The following HSBP1L1 variants were observed in gnomAD, a reference collection of about 807,000 sequenced individuals.
HSBP1L1 encodes the protein heat shock factor binding protein 1 like 1.
HSBP1L1 carries 8 observed loss-of-function variants against 9.7 expected under a neutral mutation model. The observed-to-expected ratio is 0.82, with a 90% CI of 0.48 to 1.48. The LOEUF (loss-of-function observed/expected upper bound fraction) is 1.48, where lower values mean the gene tolerates loss of function less well. HSBP1L1 is among the 40% of genes most tolerant of loss of function. The pLI, the probability that HSBP1L1 is intolerant of heterozygous loss-of-function variation, is 0.00. For synonymous variants in HSBP1L1, 39 were observed against 34.4 expected (o/e 1.13, Z -0.46); for missense variants, 106 against 95.8 (o/e 1.11, Z -0.44).
intron 3 of HSBP1L1, among the ~76,000 whole-genome samples, chr18:79,969,299 A>AGGGAGG (rs2051276348): frequency 1.4e-5 from 1 of 69,602 alleles, no homozygotes; most frequent in Non-Finnish European, 3.1e-5. Context: ...AGGGAGGGAG[A>AGGGAGG]GAGAGAGAGA....
chr18:79,966,658 C>G lies in HSBP1L1; in HGVS notation c.98C>G (p.Thr33Arg), dbSNP rs774356748. The G allele has an allele frequency of 1.3e-4, 206 of 1,549,210 alleles. No individual in the cohort carries two copies. The highest frequency in any genetic ancestry group is 1.7e-4 in the Non-Finnish European group (200 of 1,145,178). ...QELQEHFQAL[T>R]ATLNLRMEEM... ...CTTCAGGAACATTTTCAAGCTCTGACGGCAACATTAAACCTCAGAAATATC... is the reference window on the plus strand; with the variant it reads ...CTTCAGGAACATTTTCAAGCTCTGAGGGCAACATTAAACCTCAGAAATATC... Residue 33 changes from threonine to arginine, a missense_variant, in exon 2 of 4, where the codon ACG (threonine) becomes AGG (arginine). By Grantham distance (71) the Thr-to-Arg change is moderately conservative. Coordinates refer to ENST00000451882, the MANE Select transcript of HSBP1L1 (RefSeq NM_001136180.2).
chr18:79,970,512 C>A lies in HSBP1L1; in HGVS notation c.*61C>A. ...CAGAAGTCATTAAGGTTACATCGGT[C>A]CTGAGGGTGGGGCCCTCATCCAACA... On this transcript the variant is annotated 3_prime_UTR_variant, in exon 4 of 4. Coordinates refer to ENST00000451882, the MANE Select transcript of HSBP1L1 (RefSeq NM_001136180.2). The A allele has an allele frequency of 2.8e-6, 2 of 717,962 alleles. No homozygotes were observed. The highest frequency in any genetic ancestry group is 3.0e-5 in the South Asian group (2 of 67,562). The allele number at this position is 717,962 out of a possible 1,614,324, so 44.5% of individuals were successfully genotyped here. A position where few individuals can be genotyped will look rare whatever the true frequency, so the allele number is the denominator to read the frequency against.
rs1335922816 is a variant in HSBP1L1 at position 79,969,343 on chromosome 18, G to GA, written c.214-1094dup. 8.2e-3 allele frequency among the ~76,000 whole-genome samples: 219 copies of GA among 26,804 alleles called. 5 individuals carry two copies. Among genetic ancestry groups the GA allele is most frequent in the Non-Finnish European group, 0.017 (179 of 10,504 alleles). The allele number at this position is 26,804 out of a possible 152,430, so 17.6% of individuals were successfully genotyped here. ...AAAGAAAGAAAGAAAAAGAAAGAAA[G>GA]AAAGAAAGAAAGAAAGAAAGAAAGA... On this transcript the variant is annotated intron_variant, in intron 3 of 3. Coordinates refer to ENST00000451882, the MANE Select transcript of HSBP1L1 (RefSeq NM_001136180.2).
chr18:79,970,657 G>GC lies in HSBP1L1; in HGVS notation c.*207dup. ...CCCTCCCCAGAAATCACACGGACCA[G>GC]CACCTTGATCTGGGACTTCCAGAAA... On this transcript the variant is annotated 3_prime_UTR_variant, in exon 4 of 4. Transcript: ENST00000451882. 1 of 551,784 alleles carries GC rather than the reference G, an allele frequency of 1.8e-6. No homozygotes were observed. The highest frequency in any genetic ancestry group is 3.3e-6 in the Non-Finnish European group (1 of 304,398). 34.2% of individuals were successfully genotyped at this position (551,784 alleles called of 1,614,324 possible).
In HSBP1L1 at chr18:79,970,435, A is replaced by T. The variant is rs925405698; in HGVS notation, c.214-5A>T. 2.8e-6 allele frequency: 2 copies of T among 718,496 alleles called. No individual in the cohort carries two copies. The highest frequency in any genetic ancestry group is 3.5e-5 in the African/African-American group (2 of 57,282). The allele number at this position is 718,496 out of a possible 1,614,324, so 44.5% of individuals were successfully genotyped here. ...CGGCCTGAACGTTTATGTCTCCCTA[A>T]ATAGCTGAAGACCTAACTGCAGCAT... On this transcript the variant is annotated splice_polypyrimidine_tract_variant and splice_region_variant and intron_variant, in intron 3 of 3. Transcript: ENST00000451882.
At position 79,970,355 on chromosome 18, in the gene HSBP1L1, T is replaced by G. The variant is rs2145039182; in HGVS notation, c.214-85T>G. The G allele has an allele frequency of 7.0e-6, 5 of 716,598 alleles. No individual in the cohort carries two copies. In the South Asian group the frequency reaches 7.4e-5, roughly 11 times the overall value. The allele number at this position is 716,598 out of a possible 1,614,324, so 44.4% of individuals were successfully genotyped here. A position where few individuals can be genotyped will look rare whatever the true frequency, so the allele number is the denominator to read the frequency against. On this transcript the variant is annotated intron_variant, in intron 3 of 3. Coordinates refer to ENST00000451882, the MANE Select transcript of HSBP1L1 (RefSeq NM_001136180.2). ...CTGTACTGCAGCCACAAAGCACCAGTGAGAACGTTATTAAAATCAGGGGTG... is the reference window on the plus strand; with the variant it reads ...CTGTACTGCAGCCACAAAGCACCAGGGAGAACGTTATTAAAATCAGGGGTG...
chr18:79,966,788 C>T lies in HSBP1L1; in HGVS notation c.118+110C>T, dbSNP rs1599699392. On this transcript the variant is annotated intron_variant, in intron 2 of 3. Coordinates refer to ENST00000451882, the MANE Select transcript of HSBP1L1 (RefSeq NM_001136180.2). Reference sequence around the variant, plus strand: ...GTAGGTAATAGTTTACTTAGGATTTCCCAGTATTTACTTCTGTGCTTTTAT... The same window carrying T: ...GTAGGTAATAGTTTACTTAGGATTTTCCAGTATTTACTTCTGTGCTTTTAT... 1.2e-5 allele frequency: 10 copies of T among 813,932 alleles called. No individual in the cohort carries two copies. The South Asian group carries it at 1.6e-4, about 13-fold the overall frequency. The allele number at this position is 813,932 out of a possible 1,614,324, so 50.4% of individuals were successfully genotyped here.
intron 3 of HSBP1L1, among the ~76,000 whole-genome samples, chr18:79,968,887 G>C (rs1314828606): frequency 6.6e-6 from 1 of 151,374 alleles, no homozygotes; most frequent in Non-Finnish European, 1.5e-5. Context: ...AAAAATAACA[G>C]AAAAAATGAT....
chr18:79,968,098 T>G lies in HSBP1L1; in HGVS notation c.128T>G (p.Met43Arg). 1 of 1,548,256 alleles carries G rather than the reference T, an allele frequency of 6.5e-7. No homozygotes were observed. Among genetic ancestry groups the G allele is most frequent in the Non-Finnish European group, 8.7e-7 (1 of 1,144,066 alleles). Residue 43 changes from methionine (M) to arginine (R), a missense_variant, in exon 3 of 4, where the codon ATG becomes AGG. Coordinates refer to ENST00000451882, the MANE Select transcript of HSBP1L1 (RefSeq NM_001136180.2). ...CGCCTTAACACTGTACTGGAAGAAA[T>G]GGGAAATCGCATTGAGGACTTACAG... ...TATLNLRMEEMGNRIEDLQKN... is the reference protein window; with the variant it reads ...TATLNLRMEERGNRIEDLQKN...
At chr18:79,965,943 A>AT (rs1014157680) in intron 1 of HSBP1L1, among the ~76,000 whole-genome samples, 6 of 151,724 alleles carry the variant, frequency 4.0e-5, no homozygotes, top group Non-Finnish European at 8.8e-5. Context: ...TTTTATTTTT[A>AT]TTTTTTGAGA....
chr18:79,966,714 T>C, intron 2 of HSBP1L1, 36 bp downstream of exon 2: 1 of 1,390,940 alleles, frequency 7.2e-7, no homozygotes, highest in Non-Finnish European at 1.0e-6. Flanking sequence ...GCTGTGATTC[T>C]TTCGGACTGG....
chr18:79,964,644 T>C lies in HSBP1L1; in HGVS notation c.-92T>C, dbSNP rs1301984693. 2 of 690,112 alleles carry C rather than the reference T, an allele frequency of 2.9e-6. No homozygotes were observed. The highest frequency in any genetic ancestry group is 2.2e-6 in the Non-Finnish European group (1 of 455,596). 42.7% of individuals were successfully genotyped at this position (690,112 alleles called of 1,614,324 possible). A position where few individuals can be genotyped will look rare whatever the true frequency, so the allele number is the denominator to read the frequency against. ...CCGCCCGAGGCCTCCCGGCGGCCCA[T>C]ACGGGAATCGCGGAGCTTAGCTGTC... On this transcript the variant is annotated 5_prime_UTR_variant, in exon 1 of 4. Coordinates refer to ENST00000451882, the MANE Select transcript of HSBP1L1 (RefSeq NM_001136180.2).
intron 3 of HSBP1L1, among the ~76,000 whole-genome samples, chr18:79,969,439 C>G (rs1231694527): frequency 1.3e-5 from 2 of 152,110 alleles, no homozygotes; most frequent in Admixed American, 6.6e-5. Flanking sequence ...GGTCCTCCCA[C>G]CTGTGCCCAC....
At chr18:79,966,852 A>G (rs999067970) in intron 2 of HSBP1L1, 174 bp downstream of exon 2, 15 of 564,236 alleles carry the variant, frequency 2.7e-5, no homozygotes, top group Non-Finnish European at 4.1e-5. Context: ...CACCTATAGC[A>G]AAAGCTGTAC....
At chr18:79,969,007 C>T (rs1352980004) in intron 3 of HSBP1L1, among the ~76,000 whole-genome samples, 1 of 139,332 alleles carries the variant, frequency 7.2e-6, no homozygotes, top group Non-Finnish European at 1.5e-5. Context: ...GGTGAAAGCC[C>T]GTCTCTACTA....
In HSBP1L1 at chr18:79,969,388, AAAG is replaced by A. The variant is rs1225920651; in HGVS notation, c.214-1049_214-1047del. On this transcript the variant is annotated intron_variant, in intron 3 of 3. Transcript: ENST00000451882. ...GAAAGAAAGAAAGAAAGAAAGAAAGAAAGAAAAAAAAACGATGCAGAATAGCGC... is the reference window on the plus strand; with the variant it reads ...GAAAGAAAGAAAGAAAGAAAGAAAGAAAAAAAAAACGATGCAGAATAGCGC... Among the ~76,000 whole-genome samples, 18 of 61,886 alleles carry A rather than the reference AAAG, an allele frequency of 2.9e-4. 1 individual carries two copies. The highest frequency in any genetic ancestry group is 5.4e-4 in the African/African-American group (12 of 22,386). The allele number at this position is 61,886 out of a possible 152,430, so 40.6% of individuals were successfully genotyped here.
rs1247061178 is a variant in HSBP1L1 at position 79,966,620 on chromosome 18, T to G, written c.60T>G (p.Asn20Lys). ...ACGGTTTATTTTTTCAGGCAGAAAATCTATTTCAGGAACTTCAGGAACATT... is the reference window on the plus strand; with the variant it reads ...ACGGTTTATTTTTTCAGGCAGAAAAGCTATTTCAGGAACTTCAGGAACATT... ...GGRALRDAAENLFQELQEHFQ... is the reference protein window; with the variant it reads ...GGRALRDAAEKLFQELQEHFQ... Residue 20 changes from asparagine to lysine, a missense_variant, in exon 2 of 4, where the codon AAT becomes AAG. Asn to Lys is a moderately conservative substitution (Grantham distance 94). Transcript: ENST00000451882. 6.5e-7 allele frequency: 1 copy of G among 1,549,502 alleles called. No individual in the cohort carries two copies. The highest frequency in any genetic ancestry group is 1.4e-5 in the African/African-American group (1 of 72,882).
chr18:79,969,364 AAAGAAAGAAAGAAAG>A (rs2051280773), intron 3 of HSBP1L1, among the ~76,000 whole-genome samples: 2 of 48,968 alleles, frequency 4.1e-5, no homozygotes, highest in African/African-American at 1.0e-4. Context: ...AGAAAGAAAG[AAAGAAAGAAAGAAAG>A]AAAGAAAGAA....
Position 79,969,389 on chromosome 18 carries a change from AAG to A in HSBP1L1, c.214-1049_214-1048del, listed in dbSNP as rs1491284555. On this transcript the variant is annotated intron_variant, in intron 3 of 3. Transcript: ENST00000451882. ...AAAGAAAGAAAGAAAGAAAGAAAGAAAGAAAAAAAAACGATGCAGAATAGCGC... is the reference window on the plus strand; with the variant it reads ...AAAGAAAGAAAGAAAGAAAGAAAGAAAAAAAAAAACGATGCAGAATAGCGC... Among the ~76,000 whole-genome samples the A allele has an allele frequency of 7.3e-4, 45 of 61,624 alleles. 3 individuals are homozygous for A. The highest frequency in any genetic ancestry group is 1.8e-3 in the African/African-American group (40 of 22,334). 40.4% of individuals were successfully genotyped at this position (61,624 alleles called of 152,430 possible). A position where few individuals can be genotyped will look rare whatever the true frequency, so the allele number is the denominator to read the frequency against.
Sources: gnomAD v4.1 joint callset for allele counts (sites outside exome capture counted in the v4.1 genomes callset) on GRCh38, gnomAD v4.1.1 for gene constraint, MANE v1.5 for transcripts, NCBI Gene and HGNC (gene_info 2026-07-23, HGNC 2026-07-21) for gene names.